The following MYO3B variants were observed in gnomAD, a reference collection of about 807,000 sequenced individuals.
MYO3B encodes myosin IIIB.
MYO3B carries 156 observed loss-of-function variants against 174.6 expected under a neutral mutation model. That is an observed-to-expected ratio of 0.89 (90% CI 0.78 to 1.02). The LOEUF is 1.02. MYO3B is among the 50% of genes least tolerant of loss of function. The pLI is 0.00. For synonymous variants in MYO3B, 563 were observed against 569.1 expected, an observed-to-expected ratio of 0.99 and a Z score of 0.15; for missense variants, 1,632 against 1,639.4, an observed-to-expected ratio of 1.00 and a Z score of 0.08.
intron 25 of MYO3B, among the ~76,000 whole-genome samples, chr2:170,468,889 G>C (rs924078397): frequency 6.6e-6 from 1 of 152,122 alleles, no homozygotes; most frequent in African/African-American, 2.4e-5. Flanking sequence ...GGCTGGGCGT[G>C]ATGGCTCACA....
intron 25 of MYO3B, among the ~76,000 whole-genome samples, chr2:170,475,091 C>T (rs1254215239): frequency 6.6e-6 from 1 of 152,098 alleles, no homozygotes; most frequent in Non-Finnish European, 1.5e-5. Context: ...TTAGAGAAAA[C>T]TCAGTCTATT....
chr2:170,434,463 C>T lies in MYO3B; in HGVS notation c.2651-9504C>T, dbSNP rs548040591. ...GAGGGGAAGGGGTTCTTATTCCTGA[C>T]GCACGTGGCCCCTGCTGCTGTGTCA... On this transcript the variant is annotated intron_variant, in intron 22 of 34. Coordinates refer to ENST00000408978, the MANE Select transcript of MYO3B (RefSeq NM_138995.5). 4.6e-5 allele frequency among the ~76,000 whole-genome samples: 7 copies of T among 152,290 alleles called. No individual in the cohort carries two copies. The South Asian group carries it at 6.2e-4, about 14-fold the overall frequency.
rs55913448 is a variant in MYO3B, at chr2:170,474,743, CAAAAAAAAAAAAAAAAAAAAAAAAA to C, written c.3014+8049_3014+8073del. Among the ~76,000 whole-genome samples, 138 of 37,586 alleles carry C rather than the reference CAAAAAAAAAAAAAAAAAAAAAAAAA, an allele frequency of 3.7e-3. 2 individuals are homozygous for C. The highest frequency in any genetic ancestry group is 6.6e-3 in the Admixed American group (15 of 2,278). 24.7% of individuals were successfully genotyped at this position (37,586 alleles called of 152,430 possible). On this transcript the variant is annotated intron_variant, in intron 25 of 34. Coordinates refer to ENST00000408978, the MANE Select transcript of MYO3B (RefSeq NM_138995.5). The stretch of plus-strand genomic sequence containing the variant: ...GGGTGACAAGAGTGAAACTCCGTCT[CAAAAAAAAAAAAAAAAAAAAAAAAA>C]AAAAAAAAAAAAAAAAGATAGGCAT...
chr2:170,498,107 C>T (rs571268120), intron 25 of MYO3B, among the ~76,000 whole-genome samples: 18 of 152,286 alleles, frequency 1.2e-4, no homozygotes, highest in African/African-American at 2.2e-4. Flanking sequence ...CTCCTCTATA[C>T]GCTGAGTAAG....
At chr2:170,641,785 G>T (rs552188285) in intron 32 of MYO3B, among the ~76,000 whole-genome samples, 4 of 125,442 alleles carry the variant, frequency 3.2e-5, no homozygotes, top group Non-Finnish European at 6.2e-5. Flanking sequence ...TTTTCAAAAA[G>T]TAACTCTAAA....
intron 16 of MYO3B, among the ~76,000 whole-genome samples, chr2:170,396,534 G>A (rs1004651300): frequency 2.6e-5 from 4 of 152,110 alleles, no homozygotes; most frequent in African/African-American, 9.7e-5. Flanking sequence ...TGGTTACCCC[G>A]CTGTTAGTTC....
chr2:170,554,026 T>C (rs1691111612), intron 32 of MYO3B, among the ~76,000 whole-genome samples: 1 of 152,254 alleles, frequency 6.6e-6, no homozygotes, highest in South Asian at 2.1e-4. Context: ...ATTATGGAAC[T>C]GTGAGTCAAT....
At chr2:170,572,778 T>C (rs1390986424) in intron 32 of MYO3B, among the ~76,000 whole-genome samples, 4 of 152,196 alleles carry the variant, frequency 2.6e-5, no homozygotes, top group Non-Finnish European at 5.9e-5. Context: ...CATAAATATC[T>C]ACAAATATGT....
chr2:170,230,336 A>ATTTTTTT (rs60171555), intron 6 of MYO3B, among the ~76,000 whole-genome samples: 2,912 of 64,694 alleles, frequency 0.045, 767 homozygotes, highest in African/African-American at 0.084. Context: ...CGCCTGGCTA[A>ATTTTTTT]TTTTTTTTTT....
chr2:170,504,942 T>A (rs1206892467), intron 28 of MYO3B, among the ~76,000 whole-genome samples: 1 of 152,152 alleles, frequency 6.6e-6, no homozygotes, highest in African/African-American at 2.4e-5. Flanking sequence ...CCCAACTCAG[T>A]GGGTCATTTC....
intron 22 of MYO3B, among the ~76,000 whole-genome samples, chr2:170,443,759 A>T (rs1257852558): frequency 8.6e-6 from 1 of 116,396 alleles, no homozygotes; most frequent in African/African-American, 2.9e-5. Flanking sequence ...AATTCAATTT[A>T]TAAGTTACAA....
chr2:170,224,981 T>C (rs1559314342), intron 6 of MYO3B, among the ~76,000 whole-genome samples: 1 of 152,240 alleles, frequency 6.6e-6, no homozygotes, highest in Admixed American at 6.5e-5. Context: ...CCTTTGGCAT[T>C]GCCAGGGCTA....
intron 7 of MYO3B, among the ~76,000 whole-genome samples, chr2:170,257,150 G>A (rs545541117): frequency 8.6e-5 from 13 of 151,884 alleles, no homozygotes; most frequent in Non-Finnish European, 1.6e-4. Context: ...TAATAGCGGG[G>A]GACTTCAACA....
chr2:170,601,741 C>T (rs992022143), intron 32 of MYO3B: 10 of 1,491,664 alleles, frequency 6.7e-6, no homozygotes, highest in African/African-American at 5.6e-5. Context: ...TCCTTTAGCT[C>T]GATATGTAGC....
rs1190529446 is a variant in MYO3B, at chr2:170,616,698, G to A, written c.3734-34930G>A. On this transcript the variant is annotated intron_variant, in intron 32 of 34. Transcript: ENST00000408978. Reference sequence around the variant, plus strand: ...AAATTATACACAGAACAAAATTAACGATAGTGGATCCTCCCAAAGATTTTA... The same window carrying A: ...AAATTATACACAGAACAAAATTAACAATAGTGGATCCTCCCAAAGATTTTA... Among the ~76,000 whole-genome samples, 3 of 152,134 alleles carry A rather than the reference G, an allele frequency of 2.0e-5. No individual in the cohort carries two copies. The South Asian group carries it at 6.2e-4, about 32-fold the overall frequency.
rs536447471 is a variant in MYO3B, at chr2:170,539,779, C to A, written c.3576-3127C>A. ...GGACTACGGGTGCACATCACTATGG[C>A]CCGGCTAGTTTTTTGTATTTTTAAT... On this transcript the variant is annotated intron_variant, in intron 30 of 34. Coordinates refer to ENST00000408978, the MANE Select transcript of MYO3B (RefSeq NM_138995.5). Among the ~76,000 whole-genome samples the A allele has an allele frequency of 3.3e-5, 5 of 151,956 alleles. No individual in the cohort carries two copies. The South Asian group carries it at 1.0e-3, about 32-fold the overall frequency.
At chr2:170,616,006 T>C (rs976752384) in intron 32 of MYO3B, among the ~76,000 whole-genome samples, 4 of 152,188 alleles carry the variant, frequency 2.6e-5, no homozygotes, top group South Asian at 2.1e-4. Flanking sequence ...ATTTACAATA[T>C]AGTGTGTGTG....
rs1455537421 is a variant in MYO3B at position 170,407,737 on chromosome 2, T to C, written c.2543T>C (p.Val848Ala). The C allele has an allele frequency of 6.2e-7, 1 of 1,613,810 alleles. No individual in the cohort carries two copies. Among genetic ancestry groups the C allele is most frequent in the Non-Finnish European group, 8.5e-7 (1 of 1,179,946 alleles). The change falls in exon 22 of 35, where the codon GTT becomes GCT. Residue 848 changes from valine to alanine, a missense_variant. Val to Ala is a moderately conservative substitution (Grantham distance 64). Coordinates refer to ENST00000408978, the MANE Select transcript of MYO3B (RefSeq NM_138995.5). ...AGKVLYDASG[V>A]LEKNRDTLPA... ...CAGGTATTATATGATGCTTCTGGGGTTCTTGAGAAAAATAGAGACACTCTC... is the reference window on the plus strand; with the variant it reads ...CAGGTATTATATGATGCTTCTGGGGCTCTTGAGAAAAATAGAGACACTCTC...
intron 32 of MYO3B, among the ~76,000 whole-genome samples, chr2:170,613,052 G>A (rs1575248266): frequency 1.3e-5 from 2 of 152,148 alleles, no homozygotes; most frequent in African/African-American, 4.8e-5. Context: ...CTGGTAATGC[G>A]GAAAGCAGGG....
Sources: gnomAD v4.1 joint callset for allele counts (sites outside exome capture counted in the v4.1 genomes callset) on GRCh38, gnomAD v4.1.1 for gene constraint, MANE v1.5 for transcripts, NCBI Gene and HGNC (gene_info 2026-07-23, HGNC 2026-07-21) for gene names.